The following ARHGAP22 variants were observed in gnomAD, a reference collection of about 807,000 sequenced individuals.
The protein encoded by ARHGAP22 is rho GTPase-activating protein 22.
A neutral mutation model predicts 59.1 loss-of-function variants in ARHGAP22; 48 were observed. The observed-to-expected ratio is 0.81, with a 90% CI of 0.64 to 1.03. The LOEUF is 1.03. Among genes scored for constraint, ARHGAP22 ranks in the 50% least tolerant of loss-of-function variants. The pLI is 0.00. For synonymous variants in ARHGAP22, 445 were observed against 416.4 expected, an observed-to-expected ratio of 1.07 and a Z score of -0.84; for missense variants, 1,015 against 958.7, an observed-to-expected ratio of 1.06 and a Z score of -0.78.
intron 2 of ARHGAP22, among the ~76,000 whole-genome samples, chr10:48,573,685 G>C (rs939616633): frequency 6.6e-5 from 10 of 152,196 alleles, no homozygotes; most frequent in African/African-American, 2.4e-4. Flanking sequence ...TTATCTCTGA[G>C]TGTTTAGGCA....
At position 48,450,973 on chromosome 10, in the gene ARHGAP22, G is replaced by A. The variant is rs1482398850; in HGVS notation, c.1156C>T (p.Pro386Ser). Residue 386 changes from proline to serine, a missense_variant, in exon 9 of 10, where the codon CCC becomes TCC. Physicochemically the swap from Pro to Ser is moderately conservative, Grantham distance 74. Coordinates refer to ENST00000249601, the MANE Select transcript of ARHGAP22 (RefSeq NM_021226.4). Reference protein sequence around the residue: ...TRDSQGEPGGPGLPAHRTSSL... With the variant: ...TRDSQGEPGGSGLPAHRTSSL... ...GAGGTCCTGTGCGCGGGCAGGCCGG[G>A]GCCGCCGGGCTCTCCTTGGCTGTCC... 1 of 1,565,698 alleles carries A rather than the reference G, an allele frequency of 6.4e-7. No homozygotes were observed. The highest frequency in any genetic ancestry group is 2.4e-5 in the East Asian group (1 of 41,792).
chr10:48,543,890 G>A (rs2056191819), intron 3 of ARHGAP22, among the ~76,000 whole-genome samples: 1 of 152,192 alleles, frequency 6.6e-6, no homozygotes, highest in African/African-American at 2.4e-5. Flanking sequence ...GAGAGGCCAA[G>A]GTGGGCCGAT....
intron 1 of ARHGAP22, among the ~76,000 whole-genome samples, chr10:48,642,513 G>A (rs1453846577): frequency 2.6e-5 from 4 of 152,214 alleles, no homozygotes; most frequent in African/African-American, 4.8e-5. Context: ...AATAAATGGT[G>A]CTGGGAAAAC....
the ARHGAP22 span, chr10:48,434,973 T>A: frequency 1.2e-6 from 2 of 1,611,686 alleles, no homozygotes; most frequent in Non-Finnish European, 1.7e-6. Flanking sequence ...GACTTTGGCC[T>A]CTGATACAGA....
intron 1 of ARHGAP22, 59 bp from the exon 2 acceptor site, chr10:48,583,211 C>T: frequency 2.6e-6 from 4 of 1,553,730 alleles, no homozygotes; most frequent in South Asian, 1.2e-5. Context: ...ATCAGTCCTG[C>T]CCCCATCCTG....
intron 3 of ARHGAP22, among the ~76,000 whole-genome samples, chr10:48,499,856 AAATAGAGATGCCAGCAGCAT>A (rs1346608696): frequency 2.6e-5 from 4 of 152,262 alleles, no homozygotes; most frequent in Non-Finnish European, 5.9e-5. Flanking sequence ...ATAAGTAGGA[AAATAGAGATGCCAGCAGCAT>A]AATAGAGATG....
chr10:48,535,435 G>A (rs924463700), intron 3 of ARHGAP22, among the ~76,000 whole-genome samples: 3 of 152,234 alleles, frequency 2.0e-5, no homozygotes, highest in African/African-American at 7.2e-5. Flanking sequence ...GTGAGATGCA[G>A]GGAGAGGGGG....
At chr10:48,502,021 T>C (rs764809142) in intron 3 of ARHGAP22, among the ~76,000 whole-genome samples, 55 of 152,198 alleles carry the variant, frequency 3.6e-4, no homozygotes, top group Non-Finnish European at 6.5e-4. Flanking sequence ...ATTGTGTTTA[T>C]TTTCATTGCT....
intron 2 of ARHGAP22, chr10:48,582,684 C>A (rs951894448): frequency 3.9e-6 from 2 of 512,592 alleles, no homozygotes; most frequent in Admixed American, 7.3e-5. Flanking sequence ...ACATGGAAGA[C>A]GTTGTTTTCT....
rs530741921 is a variant in ARHGAP22, at chr10:48,649,192, T to A, written c.52+3042A>T. ...CTACCATTCCTCCCTTATTACCCCA[T>A]TCCAACTGCTTCAGCGCCCCTCTCT... On this transcript the variant is annotated intron_variant, in intron 1 of 9. Transcript: ENST00000435790. Among the ~76,000 whole-genome samples the A allele has an allele frequency of 3.7e-4, 56 of 152,332 alleles. 1 individual carries two copies. The highest frequency in any genetic ancestry group is 1.3e-3 in the African/African-American group (56 of 41,566).
In ARHGAP22 at chr10:48,533,132, A is replaced by G. The variant is rs577179664; in HGVS notation, c.322+22331T>C. Among the ~76,000 whole-genome samples, 6 of 151,088 alleles carry G rather than the reference A, an allele frequency of 4.0e-5. No individual in the cohort carries two copies. The East Asian group carries it at 9.7e-4, about 24-fold the overall frequency. ...AACCCCTGTCCCCGTACTGACCCTC[A>G]TCAACAGCATTGCTGTTGCTATTCA... On this transcript the variant is annotated intron_variant, in intron 3 of 9. Transcript: ENST00000249601.
chr10:48,648,199 T>A (rs1010281075), intron 1 of ARHGAP22, among the ~76,000 whole-genome samples: 1 of 152,208 alleles, frequency 6.6e-6, no homozygotes, highest in African/African-American at 2.4e-5. Context: ...AACTTACATA[T>A]CAATAAGGCT....
chr10:48,537,716 G>A (rs1297576857), intron 3 of ARHGAP22, among the ~76,000 whole-genome samples: 1 of 152,234 alleles, frequency 6.6e-6, no homozygotes, highest in Non-Finnish European at 1.5e-5. Context: ...GATGCCTGCA[G>A]CTCTGTTCTT....
At chr10:48,544,101 T>C (rs7077561) in intron 3 of ARHGAP22, among the ~76,000 whole-genome samples, 88,205 of 151,354 alleles carry the variant, frequency 0.58, 27,122 homozygotes, top group East Asian at 0.99. Flanking sequence ...CCGGCCTGGG[T>C]GACAGAACAA....
chr10:48,506,494 G>A (rs549394455), intron 3 of ARHGAP22, among the ~76,000 whole-genome samples: 2 of 152,292 alleles, frequency 1.3e-5, no homozygotes, highest in African/African-American at 4.8e-5. Flanking sequence ...TGACTTAAAC[G>A]TCATGATGTG....
chr10:48,566,159 T>A (rs2058035710), intron 2 of ARHGAP22, among the ~76,000 whole-genome samples: 1 of 152,208 alleles, frequency 6.6e-6, no homozygotes, highest in South Asian at 2.1e-4. Flanking sequence ...GCAATTCTTT[T>A]TACCAAGTCT....
intron 2 of ARHGAP22, among the ~76,000 whole-genome samples, chr10:48,557,251 G>C (rs767154646): frequency 6.6e-6 from 1 of 152,090 alleles, no homozygotes; most frequent in African/African-American, 2.4e-5. Context: ...GATGCATCTT[G>C]GGCGTTTGCT....
rs79952550 is a variant in ARHGAP22 at position 48,621,716 on chromosome 10, G to A, written c.52+30518C>T. 1.1e-4 allele frequency among the ~76,000 whole-genome samples: 16 copies of A among 152,224 alleles called. No individual in the cohort carries two copies. In the East Asian group the frequency reaches 2.7e-3, roughly 26 times the overall value. The stretch of plus-strand genomic sequence containing the variant: ...AGTCTTATTTCATTGCTGGTCTTTC[G>A]TCTAGTTATTCTGTTATTGGAATTG... On this transcript the variant is annotated intron_variant, in intron 1 of 9. Transcript: ENST00000435790.
At chr10:48,614,838 T>C (rs749314387) in intron 1 of ARHGAP22, among the ~76,000 whole-genome samples, 2 of 152,208 alleles carry the variant, frequency 1.3e-5, no homozygotes, top group Non-Finnish European at 2.9e-5. Flanking sequence ...TGCAAATAGC[T>C]AAAATTATTT....
Sources: gnomAD v4.1 joint callset for allele counts (sites outside exome capture counted in the v4.1 genomes callset) on GRCh38, gnomAD v4.1.1 for gene constraint, MANE v1.5 for transcripts, NCBI Gene and HGNC (gene_info 2026-07-23, HGNC 2026-07-21) for gene names.